The following ADGRG7 variants were observed in gnomAD, a reference collection of about 807,000 sequenced individuals.
The protein encoded by ADGRG7 is G-protein coupled receptor 128.
A neutral mutation model predicts 88.6 loss-of-function variants in ADGRG7; 82 were observed. The observed-to-expected ratio is 0.93, with a 90% confidence interval of 0.77 to 1.11. ADGRG7 has a LOEUF of 1.11. Among genes scored for constraint, ADGRG7 ranks in the 50% most tolerant of loss-of-function variants. The pLI is 0.00. For missense variants in ADGRG7, 945 were observed against 953.4 expected (o/e 0.99, Z 0.12); for synonymous variants, 381 against 345.2 (o/e 1.10, Z -1.15).
chr3:100,686,467 C>T (rs1449393257), intron 15 of ADGRG7, among the ~76,000 whole-genome samples: 12 of 152,064 alleles, frequency 7.9e-5, no homozygotes, highest in African/African-American at 1.4e-4. Flanking sequence ...ATGTCCTGAA[C>T]GATATTGCCT....
intron 14 of ADGRG7, among the ~76,000 whole-genome samples, chr3:100,663,737 A>T (rs1300012542): frequency 2.6e-5 from 4 of 152,044 alleles, no homozygotes; most frequent in Non-Finnish European, 5.9e-5. Context: ...TAATATAAGA[A>T]TTCACTCACC....
chr3:100,619,082 T>C (rs1707269175), intron 1 of ADGRG7, among the ~76,000 whole-genome samples: 1 of 152,174 alleles, frequency 6.6e-6, no homozygotes, highest in African/African-American at 2.4e-5. Flanking sequence ...CATGAGACTT[T>C]GGTGAAGTTG....
At chr3:100,678,336 G>T (rs1017031645) in intron 15 of ADGRG7, among the ~76,000 whole-genome samples, 4 of 151,982 alleles carry the variant, frequency 2.6e-5, no homozygotes, top group Non-Finnish European at 2.9e-5. Context: ...TTATCTCTGT[G>T]TTATCTTGAA....
chr3:100,640,339 A>G (rs1707619683), intron 6 of ADGRG7, among the ~76,000 whole-genome samples: 2 of 152,120 alleles, frequency 1.3e-5, no homozygotes, highest in East Asian at 1.9e-4. Flanking sequence ...GGTATCTCTC[A>G]GCTACTGAAT....
At chr3:100,670,789 C>T (rs1157317581) in intron 15 of ADGRG7, among the ~76,000 whole-genome samples, 1 of 152,148 alleles carries the variant, frequency 6.6e-6, no homozygotes, top group African/African-American at 2.4e-5. Context: ...TCAACTGCCA[C>T]TTACGAGTGA....
At chr3:100,653,129 G>T (rs760899609) in intron 11 of ADGRG7, among the ~76,000 whole-genome samples, 4 of 152,154 alleles carry the variant, frequency 2.6e-5, no homozygotes, top group Admixed American at 6.5e-5. Flanking sequence ...TTGCAGAAAA[G>T]ATATGTGAAA....
At chr3:100,678,717 G>T (rs1559690221) in intron 15 of ADGRG7, among the ~76,000 whole-genome samples, 1 of 152,196 alleles carries the variant, frequency 6.6e-6, no homozygotes. Flanking sequence ...GAACTGTCTT[G>T]GCATCTTAGG....
chr3:100,690,092 T>C (rs563633271), intron 15 of ADGRG7, among the ~76,000 whole-genome samples: 1 of 152,344 alleles, frequency 6.6e-6, no homozygotes, highest in Non-Finnish European at 1.5e-5. Flanking sequence ...CTTTTTTCTC[T>C]AAACTTCCCG....
At chr3:100,622,148 T>G (rs1707319928) in intron 1 of ADGRG7, among the ~76,000 whole-genome samples, 1 of 152,184 alleles carries the variant, frequency 6.6e-6, no homozygotes, top group African/African-American at 2.4e-5. Flanking sequence ...AGGCCATGGA[T>G]TGGTACCCGG....
intron 5 of ADGRG7, among the ~76,000 whole-genome samples, chr3:100,636,755 G>A (rs1039891699): frequency 6.6e-6 from 1 of 152,202 alleles, no homozygotes; most frequent in African/African-American, 2.4e-5. Context: ...TTAATGGAAG[G>A]ATTAACAAGT....
intron 8 of ADGRG7, 76 bp downstream of exon 8, chr3:100,643,709 G>T: frequency 2.2e-6 from 2 of 925,772 alleles, no homozygotes; most frequent in Non-Finnish European, 3.4e-6. Flanking sequence ...TTTACTCTAG[G>T]AGAAATAATG....
At chr3:100,665,474 C>T (rs2094950563) in intron 14 of ADGRG7, 1 of 526,354 alleles carries the variant, frequency 1.9e-6, no homozygotes, top group African/African-American at 1.9e-5. Flanking sequence ...AAGACTCACT[C>T]ATTTCCTTTC....
intron 15 of ADGRG7, among the ~76,000 whole-genome samples, chr3:100,673,947 T>G (rs1295857197): frequency 1.3e-5 from 2 of 152,172 alleles, no homozygotes; most frequent in Non-Finnish European, 2.9e-5. Flanking sequence ...TAATTTTAAT[T>G]TATAGTTTTT....
intron 1 of ADGRG7, among the ~76,000 whole-genome samples, chr3:100,620,623 G>A (rs961776157): frequency 2.6e-5 from 4 of 152,066 alleles, no homozygotes; most frequent in Non-Finnish European, 5.9e-5. Context: ...TCAAGGTGTT[G>A]TCAACCCAGA....
intron 15 of ADGRG7, among the ~76,000 whole-genome samples, chr3:100,687,926 T>A (rs933209719): frequency 2.6e-5 from 4 of 152,166 alleles, no homozygotes; most frequent in Non-Finnish European, 4.4e-5. Context: ...CTTTTTCTAT[T>A]GATTGGAATA....
intron 4 of ADGRG7, among the ~76,000 whole-genome samples, chr3:100,635,034 C>CACACACACACACAT (rs1275924321): frequency 6.7e-6 from 1 of 150,018 alleles, no homozygotes; most frequent in Non-Finnish European, 1.5e-5. Flanking sequence ...CACACATACA[C>CACACACACACACAT]ACACACGTGC....
intron 1 of ADGRG7, among the ~76,000 whole-genome samples, chr3:100,612,602 G>T (rs1044858893): frequency 6.6e-6 from 1 of 152,144 alleles, no homozygotes. Flanking sequence ...AATCATAATG[G>T]TAGAAAATGT....
chr3:100,620,822 A>T (rs1185970861), intron 1 of ADGRG7, among the ~76,000 whole-genome samples: 3 of 145,912 alleles, frequency 2.1e-5, no homozygotes, highest in Non-Finnish European at 4.6e-5. Context: ...ATTGCACATC[A>T]TAGGTATTAT....
chr3:100,677,761 A>G lies in ADGRG7; in HGVS notation c.2136+8656A>G, dbSNP rs115885662. Among the ~76,000 whole-genome samples, 519 of 152,186 alleles carry G rather than the reference A, an allele frequency of 3.4e-3. 5 individuals carry two copies. The highest frequency in any genetic ancestry group is 5.0e-3 in the Non-Finnish European group (341 of 67,966). On this transcript the variant is annotated intron_variant, in intron 15 of 15. Transcript: ENST00000273352. ...ATGTCATGTCACTCTTTTTTGGGCT[A>G]TAAGGTTTCTACTGAGAAAGCTGCT...
Sources: allele counts gnomAD v4.1 joint callset (sites outside exome capture counted in the v4.1 genomes callset), GRCh38; gene constraint gnomAD v4.1.1; transcripts MANE v1.5; gene names NCBI Gene and HGNC (gene_info 2026-07-23, HGNC 2026-07-21).